The following INTU variants were observed in gnomAD, a reference collection of about 807,000 sequenced individuals.
INTU encodes protein inturned.
A neutral mutation model predicts 100.5 loss-of-function variants in INTU; 68 were observed. That is an observed-to-expected ratio of 0.68 (90% confidence interval 0.56 to 0.83). INTU has a LOEUF of 0.83. Among genes scored for constraint, INTU ranks in the 40% least tolerant of loss-of-function variants. The pLI is 0.00. For synonymous variants in INTU, 357 were observed against 395.7 expected, an observed-to-expected ratio of 0.90 and a Z score of 1.16; for missense variants, 1,071 against 1,114.7, an observed-to-expected ratio of 0.96 and a Z score of 0.56.
At chr4:127,671,650 G>T (rs1728933104) in intron 5 of INTU, among the ~76,000 whole-genome samples, 3 of 151,778 alleles carry the variant, frequency 2.0e-5, no homozygotes, top group Admixed American at 2.0e-4. Flanking sequence ...ATATCAAAAA[G>T]GTACCTGCAC....
At chr4:127,675,066 C>T (rs1729114091) in intron 6 of INTU, among the ~76,000 whole-genome samples, 1 of 152,170 alleles carries the variant, frequency 6.6e-6, no homozygotes, top group Non-Finnish European at 1.5e-5. Context: ...AAGAGATAGA[C>T]TTAACTACTA....
Position 127,706,501 on chromosome 4 carries a change from A to T in INTU, c.1803A>T (p.Leu601=). The part of the protein sequence containing the change: ...LLVVGLKHYM[L]CVLLEAGGCA... The stretch of plus-strand genomic sequence containing the variant: ...TTTCCCTATAGAAACATTATATGCT[A>T]TGTGTACTATTAGAAGCTGGAGGTT... Residue 601 remains leucine (L), a synonymous_variant, in exon 12 of 16, where the codon CTA becomes CTT. Transcript: ENST00000335251. The T allele has an allele frequency of 6.2e-7, 1 of 1,612,324 alleles. No homozygotes were observed. Among genetic ancestry groups the T allele is most frequent in the Non-Finnish European group, 8.5e-7 (1 of 1,178,950 alleles).
At chr4:127,633,216 CATCA>C (rs1163638061) in intron 1 of INTU, 36 bp downstream of exon 1, 1 of 1,600,904 alleles carries the variant, frequency 6.2e-7, no homozygotes. Flanking sequence ...AATCCCATCC[CATCA>C]ATCCAGAGAA....
intron 9 of INTU, among the ~76,000 whole-genome samples, chr4:127,703,434 G>A (rs1730738209): frequency 6.6e-6 from 1 of 152,140 alleles, no homozygotes; most frequent in Non-Finnish European, 1.5e-5. Flanking sequence ...GGATTGGAAT[G>A]TATCCTTCCA....
At chr4:127,634,605 GTATGT>G (rs1263895612) in intron 1 of INTU, among the ~76,000 whole-genome samples, 2 of 152,102 alleles carry the variant, frequency 1.3e-5, no homozygotes, top group African/African-American at 2.4e-5. Context: ...ATACATGTAT[GTATGT>G]TATATTTTAG....
rs1382835685 is a variant in INTU, at chr4:127,674,219, T to C, written c.1181+6T>C. 1.3e-6 allele frequency: 2 copies of C among 1,597,040 alleles called. No homozygotes were observed. The highest frequency in any genetic ancestry group is 1.3e-5 in the African/African-American group (1 of 74,554). On this transcript the variant is annotated splice_donor_region_variant and intron_variant, in intron 6 of 15. Coordinates refer to ENST00000335251, the MANE Select transcript of INTU (RefSeq NM_015693.4). ...ATTGGCCTGCCTGCTGAAGAGTAAG[T>C]TGAGGTTTTGCTTACCTTAAAATCA...
chr4:127,697,575 G>C (rs1730450217), intron 8 of INTU, among the ~76,000 whole-genome samples: 1 of 151,944 alleles, frequency 6.6e-6, no homozygotes, highest in Non-Finnish European at 1.5e-5. Context: ...GTCTTTCTGT[G>C]CCTGGCTTAT....
intron 1 of INTU, 129 bp downstream of exon 1, chr4:127,633,309 T>A: frequency 6.8e-6 from 6 of 880,928 alleles, no homozygotes; most frequent in Non-Finnish European, 1.0e-5. Flanking sequence ...ATAAGTGGGA[T>A]TTAATTGCAC....
Position 127,639,494 on chromosome 4 carries a change from G to A in INTU, c.147-4027G>A, listed in dbSNP as rs527990990. The stretch of plus-strand genomic sequence containing the variant: ...TAGGGAAGTTGTAGTGAAAGGTTAG[G>A]TTTTTGTGGGTTTTTTGTTGTTGTT... On this transcript the variant is annotated intron_variant, in intron 1 of 15. Coordinates refer to ENST00000335251, the MANE Select transcript of INTU (RefSeq NM_015693.4). 6.3e-4 allele frequency among the ~76,000 whole-genome samples: 96 copies of A among 152,128 alleles called. 2 individuals carry two copies. The highest frequency in any genetic ancestry group is 6.8e-3 in the Middle Eastern group (2 of 294).
chr4:127,656,125 T>C lies in INTU; in HGVS notation c.683-511T>C, dbSNP rs990917172. ...CCACTGACCTACGCCCACTGTCTGG[T>C]ACTCCCTAGTGAGATGAACCCGGTA... On this transcript the variant is annotated intron_variant, in intron 2 of 15. Transcript: ENST00000335251. Among the ~76,000 whole-genome samples, 10 of 152,114 alleles carry C rather than the reference T, an allele frequency of 6.6e-5. No homozygotes were observed. The East Asian group carries it at 7.7e-4, about 12-fold the overall frequency.
chr4:127,701,147 T>C (rs1730630300), intron 9 of INTU, among the ~76,000 whole-genome samples: 1 of 152,154 alleles, frequency 6.6e-6, no homozygotes, highest in African/African-American at 2.4e-5. Context: ...AAGATTGAAC[T>C]ACCAACTTAT....
intron 1 of INTU, among the ~76,000 whole-genome samples, chr4:127,639,363 C>G (rs1727210218): frequency 6.6e-6 from 1 of 152,126 alleles, no homozygotes; most frequent in African/African-American, 2.4e-5. Context: ...TTTCCATACT[C>G]TGTTCTCTGG....
chr4:127,676,601 G>A (rs6828554), intron 6 of INTU, among the ~76,000 whole-genome samples: 72,272 of 131,604 alleles, frequency 0.55, 18,841 homozygotes, highest in Middle Eastern at 0.68. Flanking sequence ...AAAAAAAAAA[G>A]AGAGAGAGAG....
chr4:127,694,930 G>A (rs1315577328), intron 8 of INTU, among the ~76,000 whole-genome samples: 2 of 152,144 alleles, frequency 1.3e-5, no homozygotes, highest in African/African-American at 4.8e-5. Flanking sequence ...TCTTAAAGTA[G>A]GATAGTATCA....
intron 1 of INTU, among the ~76,000 whole-genome samples, chr4:127,638,899 G>A (rs78467943): frequency 0.018 from 2,807 of 152,090 alleles, 35 homozygotes; most frequent in Middle Eastern, 0.054. Context: ...AATTTTGAAG[G>A]CGTATTTATA....
rs370397959 is a variant in INTU, at chr4:127,663,406, A to G, written c.794A>G (p.Tyr265Cys). 13 of 1,612,836 alleles carry G rather than the reference A, an allele frequency of 8.1e-6. No homozygotes were observed. Among genetic ancestry groups the G allele is most frequent in the African/African-American group, 2.7e-5 (2 of 74,890 alleles). The change falls in exon 4 of 16, where the codon TAT (tyrosine) becomes TGT (cysteine). Residue 265 changes from tyrosine to cysteine, a missense_variant. Transcript: ENST00000335251. ...GTGAAACTGACATTTGAAAATGCAT[A>G]TGATGTGAAAAGGGAGACGTCCCAT... ...MQVKLTFENA[Y>C]DVKRETSHPR...
intron 2 of INTU, among the ~76,000 whole-genome samples, chr4:127,650,892 G>A (rs193120953): frequency 2.6e-4 from 40 of 152,268 alleles, no homozygotes; most frequent in Admixed American, 8.5e-4. Flanking sequence ...GTTGTTTCCC[G>A]GCTTTTTAAT....
chr4:127,704,184 C>A, intron 9 of INTU, 44 bp from the exon 10 acceptor site: 2 of 1,508,424 alleles, frequency 1.3e-6, no homozygotes, highest in Non-Finnish European at 1.8e-6. Flanking sequence ...ATTTTTATCA[C>A]AAAAAAATAA....
intron 2 of INTU, among the ~76,000 whole-genome samples, chr4:127,646,817 T>C (rs1268390847): frequency 1.3e-5 from 2 of 152,102 alleles, no homozygotes; most frequent in African/African-American, 4.8e-5. Context: ...GGGGTTGAGA[T>C]TGAAACTCAA....
Sources: allele counts gnomAD v4.1 joint callset (sites outside exome capture counted in the v4.1 genomes callset), GRCh38; gene constraint gnomAD v4.1.1; transcripts MANE v1.5; gene names NCBI Gene and HGNC (gene_info 2026-07-23, HGNC 2026-07-21).